NLGN1: variants seen among roughly 807,000 people sequenced by gnomAD.
The protein encoded by NLGN1 is neuroligin 1.
NLGN1 carries 12 observed loss-of-function variants against 65.5 expected under a neutral mutation model. The observed-to-expected ratio is 0.18, with a 90% CI of 0.12 to 0.30. NLGN1 has a LOEUF of 0.30. NLGN1 is among the 10% of genes least tolerant of loss of function. NLGN1 has a pLI of 1.00. For synonymous variants in NLGN1, 350 were observed against 359.5 expected, an observed-to-expected ratio of 0.97 and a Z score of 0.30; for missense variants, 750 against 1,007.1, an observed-to-expected ratio of 0.74 and a Z score of 3.46.
intron 1 of NLGN1, among the ~76,000 whole-genome samples, chr3:173,412,543 G>A (rs972860425): frequency 2.8e-5 from 3 of 106,122 alleles, no homozygotes; most frequent in Non-Finnish European, 6.6e-5. Flanking sequence ...AATGCATAAA[G>A]TTCTGAGTGA....
chr3:173,696,833 C>T (rs1766292074), intron 3 of NLGN1, among the ~76,000 whole-genome samples: 1 of 152,276 alleles, frequency 6.6e-6, no homozygotes, highest in Non-Finnish European at 1.5e-5. Context: ...TTCATAATTA[C>T]ATCACAGTCT....
chr3:174,007,639 A>G (rs1338024189), intron 4 of NLGN1, among the ~76,000 whole-genome samples: 1 of 152,242 alleles, frequency 6.6e-6, no homozygotes, highest in Non-Finnish European at 1.5e-5. Flanking sequence ...CTAACGAGAC[A>G]TGCATATTTA....
intron 4 of NLGN1, among the ~76,000 whole-genome samples, chr3:174,246,615 C>G (rs922021533): frequency 2.0e-5 from 3 of 152,164 alleles, no homozygotes; most frequent in African/African-American, 7.2e-5. Flanking sequence ...AATGAAGTCT[C>G]ACTATGTTGC....
Position 174,111,037 on chromosome 3 carries a change from G to C in NLGN1, c.647-164278G>C, listed in dbSNP as rs1436408685. Among the ~76,000 whole-genome samples the C allele has an allele frequency of 3.3e-5, 5 of 151,920 alleles. No homozygotes were observed. The East Asian group carries it at 9.6e-4, about 29-fold the overall frequency. ...GGGCACCATCCAGCATTAAGCAACA[G>C]TAATTTCTCATGGATTGGCCAGAAT... On this transcript the variant is annotated intron_variant, in intron 4 of 6. Transcript: ENST00000457714.
intron 4 of NLGN1, among the ~76,000 whole-genome samples, chr3:174,088,063 A>G (rs1483366715): frequency 2.0e-5 from 3 of 152,240 alleles, no homozygotes; most frequent in African/African-American, 4.8e-5. Flanking sequence ...ATATGCTAAT[A>G]TTACATTTTG....
chr3:173,871,329 ATGTAT>A (rs1560530587), intron 4 of NLGN1, among the ~76,000 whole-genome samples: 2 of 152,216 alleles, frequency 1.3e-5, no homozygotes, highest in African/African-American at 4.8e-5. Context: ...AGAGTTGCAA[ATGTAT>A]GATTTTTTTC....
chr3:173,830,866 C>T (rs994019054), intron 4 of NLGN1, among the ~76,000 whole-genome samples: 3 of 152,086 alleles, frequency 2.0e-5, no homozygotes, highest in Non-Finnish European at 4.4e-5. Flanking sequence ...CCTTGTACTT[C>T]TAATATAGAT....
intron 2 of NLGN1, among the ~76,000 whole-genome samples, chr3:173,565,263 T>C (rs538393932): frequency 5.3e-5 from 8 of 152,216 alleles, no homozygotes; most frequent in African/African-American, 1.7e-4. Flanking sequence ...TATAGTGAAA[T>C]AGGCTGCCTT....
chr3:173,759,114 C>A (rs992706357), intron 3 of NLGN1, among the ~76,000 whole-genome samples: 1 of 151,770 alleles, frequency 6.6e-6, no homozygotes, highest in Non-Finnish European at 1.5e-5. Context: ...CCTAGAATCT[C>A]AATTTTAACT....
At chr3:173,524,709 A>T (rs945161119) in intron 2 of NLGN1, among the ~76,000 whole-genome samples, 1 of 152,092 alleles carries the variant, frequency 6.6e-6, no homozygotes, top group African/African-American at 2.4e-5. Flanking sequence ...TTTTTCATAT[A>T]TGGTTCTTAC....
intron 4 of NLGN1, among the ~76,000 whole-genome samples, chr3:173,867,857 G>A (rs1382358709): frequency 6.6e-6 from 1 of 152,084 alleles, no homozygotes; most frequent in Admixed American, 6.6e-5. Context: ...TATTTTCAGA[G>A]TGAGGTAGGC....
At chr3:174,153,196 G>A (rs1378117158) in intron 4 of NLGN1, among the ~76,000 whole-genome samples, 2 of 151,920 alleles carry the variant, frequency 1.3e-5, no homozygotes, top group Non-Finnish European at 1.5e-5. Context: ...TCCCTTATTC[G>A]ACTTTTCCTC....
At chr3:174,071,877 A>G (rs1264511299) in intron 4 of NLGN1, among the ~76,000 whole-genome samples, 3 of 152,138 alleles carry the variant, frequency 2.0e-5, no homozygotes, top group African/African-American at 7.2e-5. Flanking sequence ...GAATATAGAG[A>G]CAATGGTTTG....
chr3:173,403,084 C>G (rs1717994578), intron 1 of NLGN1, among the ~76,000 whole-genome samples: 1 of 152,084 alleles, frequency 6.6e-6, no homozygotes, highest in South Asian at 2.1e-4. Context: ...AAAATAATTA[C>G]ATGGCCTTTG....
At chr3:173,852,786 A>G (rs979437406) in intron 4 of NLGN1, among the ~76,000 whole-genome samples, 2 of 152,188 alleles carry the variant, frequency 1.3e-5, no homozygotes, top group African/African-American at 4.8e-5. Flanking sequence ...TCTTGCTTAC[A>G]TTTGTAAAAA....
intron 3 of NLGN1, among the ~76,000 whole-genome samples, chr3:173,777,656 T>C (rs977925575): frequency 1.3e-5 from 2 of 150,278 alleles, no homozygotes; most frequent in Non-Finnish European, 3.0e-5. Flanking sequence ...TATCTATCTA[T>C]CTATCTATCT....
chr3:173,472,486 T>C lies in NLGN1; in HGVS notation c.-321+37408T>C, dbSNP rs9833962. 2.5e-3 allele frequency among the ~76,000 whole-genome samples: 385 copies of C among 152,204 alleles called. 2 individuals carry two copies. Among genetic ancestry groups the C allele is most frequent in the African/African-American group, 8.8e-3 (367 of 41,546 alleles). Reference sequence around the variant, plus strand: ...GTACAATTTGCAGAGTTAGAAATTATATTAAATAATTAAAATGGAGAATAG... The same window carrying C: ...GTACAATTTGCAGAGTTAGAAATTACATTAAATAATTAAAATGGAGAATAG... On this transcript the variant is annotated intron_variant, in intron 2 of 6. Transcript: ENST00000457714.
intron 4 of NLGN1, among the ~76,000 whole-genome samples, chr3:173,877,727 A>G (rs534488428): frequency 6.6e-6 from 1 of 152,186 alleles, no homozygotes; most frequent in Non-Finnish European, 1.5e-5. Context: ...AAGCTCTTAT[A>G]ATAAAATGTA....
At chr3:173,911,784 C>T (rs1260456498) in intron 4 of NLGN1, among the ~76,000 whole-genome samples, 2 of 152,160 alleles carry the variant, frequency 1.3e-5, no homozygotes, top group Admixed American at 1.3e-4. Flanking sequence ...TATCTCAAAC[C>T]ATGAAAGCAT....
Sources: gnomAD v4.1 joint callset for allele counts (sites outside exome capture counted in the v4.1 genomes callset) on GRCh38, gnomAD v4.1.1 for gene constraint, MANE v1.5 for transcripts, NCBI Gene and HGNC (gene_info 2026-07-23, HGNC 2026-07-21) for gene names.